ZNF331: variants seen among roughly 807,000 people sequenced by gnomAD.
The protein encoded by ZNF331 is zinc finger protein 331.
ZNF331 carries 2 observed loss-of-function variants against 7.0 expected under a neutral mutation model. That is an observed-to-expected ratio of 0.29 (90% CI 0.12 to 0.90). ZNF331 has a LOEUF of 0.90. Among genes scored for constraint, ZNF331 ranks in the 40% least tolerant of loss-of-function variants. The pLI is 0.58. For missense variants in ZNF331, 432 were observed against 587.7 expected (o/e 0.74, Z 2.74); for synonymous variants, 196 against 205.4 (o/e 0.95, Z 0.39).
At chr19:53,565,459 C>T (rs1423462473) in intron 3 of ZNF331, among the ~76,000 whole-genome samples, 1 of 151,998 alleles carries the variant, frequency 6.6e-6, no homozygotes, top group Non-Finnish European at 1.5e-5. Flanking sequence ...CCCCACAAAG[C>T]GCAGTGTTGG....
At chr19:53,506,549 T>C in the ZNF331 span, among the ~76,000 whole-genome samples, 1 of 150,806 alleles carries the variant, frequency 6.6e-6, no homozygotes, top group Non-Finnish European at 1.5e-5. Context: ...CCTAGCTTCC[T>C]CTGGTCTACT....
rs2090801528 is a variant in ZNF331 at position 53,578,008 on chromosome 19, T to G, written c.*56T>G. On this transcript the variant is annotated 3_prime_UTR_variant, in exon 6 of 6. Coordinates refer to ENST00000449416, the MANE Select transcript of ZNF331 (RefSeq NM_001079906.2). ...ATCTATGGTTTCGCTTTCCACAGTTTGTTACCTGCAGTCAACTGCAGTTCA... is the reference window on the plus strand; with the variant it reads ...ATCTATGGTTTCGCTTTCCACAGTTGGTTACCTGCAGTCAACTGCAGTTCA... The G allele has an allele frequency of 6.5e-7, 1 of 1,528,584 alleles. No individual in the cohort carries two copies. Among genetic ancestry groups the G allele is most frequent in the African/African-American group, 1.4e-5 (1 of 72,190 alleles). The allele number at this position is 1,528,584 out of a possible 1,614,324, so 94.7% of individuals were successfully genotyped here. A position where few individuals can be genotyped will look rare whatever the true frequency, so the allele number is the denominator to read the frequency against.
At chr19:53,503,341 G>T in the ZNF331 span, 2 of 399,218 alleles carry the variant, frequency 5.0e-6, no homozygotes, top group Admixed American at 7.2e-5. Flanking sequence ...CACGTTCCCT[G>T]CAGGATCCTG....
At chr19:53,522,911 C>T (rs2087140919) in intron 2 of ZNF331, among the ~76,000 whole-genome samples, 2 of 152,132 alleles carry the variant, frequency 1.3e-5, no homozygotes, top group African/African-American at 4.8e-5. Flanking sequence ...GAGATTAATT[C>T]TAACACTTTA....
chr19:53,543,437 T>C (rs948892402), intron 2 of ZNF331, among the ~76,000 whole-genome samples: 4 of 152,002 alleles, frequency 2.6e-5, no homozygotes, highest in Non-Finnish European at 5.9e-5. Context: ...TAGTTTTTTG[T>C]ATCTTTAGTA....
chr19:53,560,693 G>A lies in ZNF331; in HGVS notation c.-74+4785G>A, dbSNP rs535150557. On this transcript the variant is annotated intron_variant, in intron 3 of 5. Transcript: ENST00000449416. This position sits in a 1 kb window ranked among gnomAD's most constrained non-coding sequence, Gnocchi z 4.3. Reference sequence around the variant, plus strand: ...TCCTTGCTTTTGCTGGCTTCTAGACGCCGCCCACACTCCTTAGTTCGTGAC... The same window carrying A: ...TCCTTGCTTTTGCTGGCTTCTAGACACCGCCCACACTCCTTAGTTCGTGAC... Among the ~76,000 whole-genome samples, 20 of 152,182 alleles carry A rather than the reference G, an allele frequency of 1.3e-4. No individual in the cohort carries two copies. The highest frequency in any genetic ancestry group is 3.4e-3 in the Middle Eastern group (1 of 294).
chr19:53,559,434 A>T (rs1277353064), intron 3 of ZNF331, among the ~76,000 whole-genome samples: 1 of 150,546 alleles, frequency 6.6e-6, no homozygotes, highest in Non-Finnish European at 1.5e-5. Flanking sequence ...CACACACACC[A>T]TATATACATA....
In ZNF331 at chr19:53,556,114, G is replaced by T. The variant is rs540931307; in HGVS notation, c.-74+206G>T. Among the ~76,000 whole-genome samples, 247 of 151,546 alleles carry T rather than the reference G, an allele frequency of 1.6e-3. 1 individual carries two copies. Among genetic ancestry groups the T allele is most frequent in the African/African-American group, 5.7e-3 (235 of 41,334 alleles). On this transcript the variant is annotated intron_variant, in intron 3 of 5. Transcript: ENST00000449416. ...AAAAATTAGCCGGGAGTGGTGGTGG[G>T]CGCCTGTAGTCCCAGCTACTCGGGA...
chr19:53,509,564 A>G, the ZNF331 span, among the ~76,000 whole-genome samples: 9 of 152,178 alleles, frequency 5.9e-5, no homozygotes, highest in African/African-American at 2.2e-4. Context: ...TGGATCCAGG[A>G]AAGATCCTAG....
chr19:53,543,611 T>G (rs2088339974), intron 2 of ZNF331, among the ~76,000 whole-genome samples: 1 of 152,156 alleles, frequency 6.6e-6, no homozygotes, highest in Non-Finnish European at 1.5e-5. Context: ...AAGAAAAACT[T>G]TTTTTAAAGA....
At chr19:53,557,923 G>A (rs1171143331) in intron 3 of ZNF331, among the ~76,000 whole-genome samples, 1 of 152,282 alleles carries the variant, frequency 6.6e-6, no homozygotes. Flanking sequence ...CTGAGATCAC[G>A]CCACCACACT....
intron 3 of ZNF331, among the ~76,000 whole-genome samples, chr19:53,563,053 G>A (rs1034987013): frequency 6.6e-5 from 10 of 152,044 alleles, no homozygotes; most frequent in African/African-American, 1.9e-4. Flanking sequence ...GCATCTTCTC[G>A]AAATAGGTTC....
Position 53,571,834 on chromosome 19 carries a change from C to T in ZNF331, c.136+104C>T. The T allele has an allele frequency of 1.4e-6, 2 of 1,440,762 alleles. No homozygotes were observed. Among genetic ancestry groups the T allele is most frequent in the Non-Finnish European group, 1.9e-6 (2 of 1,071,148 alleles). The allele number at this position is 1,440,762 out of a possible 1,614,324, so 89.2% of individuals were successfully genotyped here. A position where few individuals can be genotyped will look rare whatever the true frequency, so the allele number is the denominator to read the frequency against. On this transcript the variant is annotated intron_variant, in intron 5 of 5. Coordinates refer to ENST00000449416, the MANE Select transcript of ZNF331 (RefSeq NM_001079906.2). This position sits in a 1 kb window ranked among gnomAD's most constrained non-coding sequence, Gnocchi z 4.7. ...AAGAAACTAGTTGAATTTCTTCTTC[C>T]TGTCCCCAAGGAATGTATTGAGCCT...
upstream of ZNF331, among the ~76,000 whole-genome samples, chr19:53,534,088 G>C (rs73935650): frequency 6.6e-6 from 1 of 152,186 alleles, no homozygotes; most frequent in Non-Finnish European, 1.5e-5. Context: ...TAAGACAACT[G>C]TATTGCTGAG....
chr19:53,572,285 C>A (rs913242640), intron 5 of ZNF331, among the ~76,000 whole-genome samples: 9 of 152,028 alleles, frequency 5.9e-5, no homozygotes, highest in African/African-American at 1.7e-4. Flanking sequence ...CAATATCTTG[C>A]AAACATCCCT....
At chr19:53,542,885 C>A (rs2088277814) in intron 2 of ZNF331, among the ~76,000 whole-genome samples, 1 of 152,202 alleles carries the variant, frequency 6.6e-6, no homozygotes, top group Non-Finnish European at 1.5e-5. Flanking sequence ...TCGCGGCTCA[C>A]CGCAACCTCT....
chr19:53,563,394 T>C (rs1406874774), intron 3 of ZNF331, among the ~76,000 whole-genome samples: 1 of 152,108 alleles, frequency 6.6e-6, no homozygotes, highest in Non-Finnish European at 1.5e-5. Context: ...CCAAGCTGGA[T>C]TTTTTAATGC....
Position 53,578,293 on chromosome 19 carries a change from A to G in ZNF331, c.*341A>G. ...CCTCACTTTGCTTAACAGTGGCCCC[A>G]GAGAGCAGGAGTAGTGATGCTGGTG... On this transcript the variant is annotated 3_prime_UTR_variant, in exon 6 of 6. Transcript: ENST00000449416. 3.6e-6 allele frequency: 1 copy of G among 279,950 alleles called. No individual in the cohort carries two copies. The highest frequency in any genetic ancestry group is 6.9e-6 in the Non-Finnish European group (1 of 145,550). 17.3% of individuals were successfully genotyped at this position (279,950 alleles called of 1,614,324 possible).
exon 1 of ZNF331, chr19:53,521,146 C>A (rs1409457359): frequency 1.3e-5 from 2 of 152,236 alleles, no homozygotes; most frequent in South Asian, 4.1e-4. Flanking sequence ...CCTTGTTTCA[C>A]CTCCTGATGT....
Sources: gnomAD v4.1 joint callset for allele counts (sites outside exome capture counted in the v4.1 genomes callset) on GRCh38, gnomAD v4.1.1 for gene constraint, Gnocchi (gnomAD v3.1) non-coding constraint, MANE v1.5 for transcripts, NCBI Gene and HGNC (gene_info 2026-07-23, HGNC 2026-07-21) for gene names.